The following ZNF385B variants were observed in gnomAD, a reference collection of about 807,000 sequenced individuals.
The protein encoded by ZNF385B is zinc finger protein 385B.
ZNF385B carries 23 observed loss-of-function variants against 39.2 expected under a neutral mutation model. The observed-to-expected ratio is 0.59, with a 90% CI of 0.42 to 0.83. The LOEUF (loss-of-function observed/expected upper bound fraction) is 0.83. Ranked by LOEUF, ZNF385B falls within the 40% of genes least tolerant of loss-of-function variation. ZNF385B has a pLI of 0.00. For missense variants in ZNF385B, 552 were observed against 598.9 expected, an observed-to-expected ratio of 0.92 and a Z score of 0.82; for synonymous variants, 205 against 222.6, an observed-to-expected ratio of 0.92 and a Z score of 0.70.
intron 5 of ZNF385B, among the ~76,000 whole-genome samples, chr2:179,493,687 A>ATATG (rs1458022717): frequency 1.3e-4 from 12 of 95,396 alleles, no homozygotes; most frequent in Non-Finnish European, 2.4e-4. Flanking sequence ...ATACATATAC[A>ATATG]CATATATACA....
intron 4 of ZNF385B, among the ~76,000 whole-genome samples, chr2:179,518,840 T>C (rs1446683459): frequency 6.6e-6 from 1 of 152,002 alleles, no homozygotes; most frequent in Non-Finnish European, 1.5e-5. Context: ...AAACAAAAAA[T>C]GGCTTTGAAA....
At chr2:179,530,343 T>TC (rs2059180532) in intron 4 of ZNF385B, among the ~76,000 whole-genome samples, 1 of 152,178 alleles carries the variant, frequency 6.6e-6, no homozygotes, top group Non-Finnish European at 1.5e-5. Flanking sequence ...CTGATACTTA[T>TC]AGATGTAGTT....
chr2:179,526,036 ATTTTTT>A (rs3054031), intron 4 of ZNF385B, among the ~76,000 whole-genome samples: 5 of 129,180 alleles, frequency 3.9e-5, no homozygotes, highest in African/African-American at 1.2e-4. Flanking sequence ...TTAACCACAG[ATTTTTT>A]TTTTTTTTTT....
chr2:179,747,012 G>A (rs1008820304), intron 3 of ZNF385B, among the ~76,000 whole-genome samples: 1 of 152,088 alleles, frequency 6.6e-6, no homozygotes, highest in African/African-American at 2.4e-5. Context: ...TTTTTAAAAA[G>A]GGTTTTAGGT....
At chr2:179,560,198 AATGACTTCTTC>A (rs1327625682) in intron 3 of ZNF385B, among the ~76,000 whole-genome samples, 1 of 152,164 alleles carries the variant, frequency 6.6e-6, no homozygotes, top group Non-Finnish European at 1.5e-5. Flanking sequence ...TCAAGGCCAT[AATGACTTCTTC>A]ATAAGAAGTC....
At chr2:179,656,957 T>C (rs2106263802) in intron 3 of ZNF385B, among the ~76,000 whole-genome samples, 1 of 152,294 alleles carries the variant, frequency 6.6e-6, no homozygotes, top group African/African-American at 2.4e-5. Flanking sequence ...TAGCTTAAAG[T>C]TTTTCAGTGT....
chr2:179,725,879 G>GAT (rs1467019203), intron 3 of ZNF385B, among the ~76,000 whole-genome samples: 4 of 144,834 alleles, frequency 2.8e-5, no homozygotes, highest in South Asian at 2.2e-4. Flanking sequence ...ATACATACAT[G>GAT]ATATATATAT....
intron 3 of ZNF385B, among the ~76,000 whole-genome samples, chr2:179,662,608 G>C (rs1267599357): frequency 6.6e-6 from 1 of 151,992 alleles, no homozygotes; most frequent in African/African-American, 2.4e-5. Flanking sequence ...GTTTTTGGAA[G>C]GTTAGATGGA....
chr2:179,488,840 G>GCTAAA (rs772329346), intron 5 of ZNF385B, among the ~76,000 whole-genome samples: 1 of 152,032 alleles, frequency 6.6e-6, no homozygotes, highest in Non-Finnish European at 1.5e-5. Context: ...CATAAAACAG[G>GCTAAA]CTAAACTAAC....
chr2:179,637,133 C>G (rs905628747), intron 3 of ZNF385B: 1 of 152,156 alleles, frequency 6.6e-6, no homozygotes, highest in Admixed American at 6.5e-5. Context: ...TAATCTATGT[C>G]TGTCAAGCCT....
chr2:179,748,503 T>C (rs116229929), intron 3 of ZNF385B, among the ~76,000 whole-genome samples: 1 of 152,246 alleles, frequency 6.6e-6, no homozygotes, highest in Non-Finnish European at 1.5e-5. Context: ...AAACAGTGCA[T>C]GTGACACTGT....
chr2:179,477,105 C>T (rs1293654296), intron 6 of ZNF385B, among the ~76,000 whole-genome samples: 1 of 152,138 alleles, frequency 6.6e-6, no homozygotes, highest in Non-Finnish European at 1.5e-5. Flanking sequence ...TGATGGAGTC[C>T]TGTGGCAGTC....
chr2:179,567,332 G>T (rs940494880), intron 3 of ZNF385B, among the ~76,000 whole-genome samples: 5 of 152,036 alleles, frequency 3.3e-5, no homozygotes, highest in Non-Finnish European at 7.4e-5. Flanking sequence ...AGCTATCTGT[G>T]GGGGGAAAAA....
rs1685031269 is a variant in ZNF385B at position 179,861,104 on chromosome 2, G to C, written c.-158C>G. The C allele has an allele frequency of 6.4e-6, 1 of 156,748 alleles. No homozygotes were observed. The highest frequency in any genetic ancestry group is 6.6e-5 in the Admixed American group (1 of 15,250). 9.7% of individuals were successfully genotyped at this position (156,748 alleles called of 1,614,324 possible). A position where few individuals can be genotyped will look rare whatever the true frequency, so the allele number is the denominator to read the frequency against. On this transcript the variant is annotated 5_prime_UTR_variant, in exon 1 of 10. Transcript: ENST00000410066. ...GGGCTGGGCGCCCAGAGCTTACCTC[G>C]GCGCGCGGGCCGCGGGCGCGTGGGG...
intron 3 of ZNF385B, among the ~76,000 whole-genome samples, chr2:179,559,505 G>A (rs2061181361): frequency 6.6e-6 from 1 of 152,052 alleles, no homozygotes; most frequent in African/African-American, 2.4e-5. Context: ...CATCATAAAT[G>A]ACTGCCCCAG....
At chr2:179,576,574 C>T (rs1244897004) in intron 3 of ZNF385B, among the ~76,000 whole-genome samples, 1 of 152,166 alleles carries the variant, frequency 6.6e-6, no homozygotes, top group South Asian at 2.1e-4. Context: ...TCCTGTAATA[C>T]CTATATTCCA....
At chr2:179,663,820 G>A (rs1406370800) in intron 3 of ZNF385B, among the ~76,000 whole-genome samples, 5 of 151,486 alleles carry the variant, frequency 3.3e-5, no homozygotes, top group Non-Finnish European at 7.4e-5. Context: ...GCATCCTTCC[G>A]GGGACTTTAC....
chr2:179,635,579 G>A (rs1442675086), intron 3 of ZNF385B, among the ~76,000 whole-genome samples: 1 of 151,598 alleles, frequency 6.6e-6, no homozygotes, highest in Non-Finnish European at 1.5e-5. Flanking sequence ...TACAAAATTA[G>A]GCAAGAAAGT....
intron 3 of ZNF385B, among the ~76,000 whole-genome samples, chr2:179,639,249 A>AAAAAAAAAAG (rs71029824): frequency 3.9e-5 from 5 of 128,682 alleles, no homozygotes; most frequent in African/African-American, 1.4e-4. Context: ...AAAAAAAAAA[A>AAAAAAAAAAG]GGGGGAGAAA....
Sources: allele counts gnomAD v4.1 joint callset (sites outside exome capture counted in the v4.1 genomes callset), GRCh38; gene constraint gnomAD v4.1.1; transcripts MANE v1.5; gene names NCBI Gene and HGNC (gene_info 2026-07-23, HGNC 2026-07-21).